The following DLG2 variants were observed in gnomAD, a reference collection of about 807,000 sequenced individuals.
DLG2 encodes the protein disks large homolog 2.
A neutral mutation model predicts 132.5 loss-of-function variants in DLG2; 45 were observed. The observed-to-expected ratio is 0.34, with a 90% CI of 0.27 to 0.44. The LOEUF is 0.44. Ranked by LOEUF, DLG2 falls within the 20% of genes least tolerant of loss-of-function variation. The probability of loss-of-function intolerance (pLI) is 1.00; values close to 1 mark genes in which losing one functional copy is unlikely to be tolerated. For missense variants in DLG2, 1,045 were observed against 1,196.9 expected, an observed-to-expected ratio of 0.87 and a Z score of 1.87; for synonymous variants, 424 against 419.6, an observed-to-expected ratio of 1.01 and a Z score of -0.13.
chr11:85,501,867 G>T (rs2093812224), intron 3 of DLG2, among the ~76,000 whole-genome samples: 2 of 152,056 alleles, frequency 1.3e-5, no homozygotes, highest in Non-Finnish European at 2.9e-5. Context: ...TGGCAATTCT[G>T]TAAGGATCTA....
chr11:84,944,908 A>G (rs974410382), intron 6 of DLG2, among the ~76,000 whole-genome samples: 1 of 152,072 alleles, frequency 6.6e-6, no homozygotes, highest in African/African-American at 2.4e-5. Flanking sequence ...CGATCTTGTT[A>G]AGTTTATCTG....
chr11:83,556,119 A>G (rs2096511549), intron 19 of DLG2, among the ~76,000 whole-genome samples: 1 of 152,106 alleles, frequency 6.6e-6, no homozygotes, highest in Admixed American at 6.6e-5. Flanking sequence ...TGAGGAGAAG[A>G]CTTCTTTCTG....
In DLG2 at chr11:85,592,821, C is replaced by T. The variant is rs970994579; in HGVS notation, c.40+5836G>A. ...TTCAAAAATTAGCCAGGCATGACTG[C>T]GCATACCAGTAGTCCCAGGTACCAG... On this transcript the variant is annotated intron_variant, in intron 3 of 27. Coordinates refer to ENST00000376104, the MANE Select transcript of DLG2 (RefSeq NM_001142699.3). Among the ~76,000 whole-genome samples the T allele has an allele frequency of 4.0e-5, 6 of 151,846 alleles. No individual in the cohort carries two copies. In the East Asian group the frequency reaches 5.8e-4, roughly 15 times the overall value.
intron 6 of DLG2, among the ~76,000 whole-genome samples, chr11:84,902,776 T>C (rs2091047177): frequency 6.6e-6 from 1 of 152,126 alleles, no homozygotes; most frequent in Admixed American, 6.5e-5. Context: ...GTTATTTTCT[T>C]CTCCAGGTCT....
chr11:84,321,858 C>T (rs1224943065), intron 7 of DLG2, among the ~76,000 whole-genome samples: 2 of 152,162 alleles, frequency 1.3e-5, no homozygotes, highest in Admixed American at 1.3e-4. Flanking sequence ...TCATCACCTC[C>T]TCAAGAAAGC....
intron 6 of DLG2, among the ~76,000 whole-genome samples, chr11:84,557,018 G>T (rs1032319602): frequency 3.3e-5 from 5 of 152,180 alleles, no homozygotes; most frequent in African/African-American, 1.2e-4. Flanking sequence ...CTCCCCTGAG[G>T]TAATTGTGGA....
At chr11:83,535,995 T>C (rs1406761634) in intron 20 of DLG2, among the ~76,000 whole-genome samples, 1 of 152,128 alleles carries the variant, frequency 6.6e-6, no homozygotes, top group Non-Finnish European at 1.5e-5. Flanking sequence ...GCCACTCAGT[T>C]TGGGAAACAG....
At chr11:85,091,461 A>G (rs1054950747) in intron 6 of DLG2, among the ~76,000 whole-genome samples, 2 of 152,132 alleles carry the variant, frequency 1.3e-5, no homozygotes, top group Non-Finnish European at 2.9e-5. Flanking sequence ...TAAGACAACA[A>G]TGATGTTTGC....
chr11:85,443,461 C>A (rs2091877785), intron 3 of DLG2, among the ~76,000 whole-genome samples: 1 of 152,162 alleles, frequency 6.6e-6, no homozygotes, highest in African/African-American at 2.4e-5. Context: ...TTTAAGATCA[C>A]CTCCAACTTT....
chr11:84,732,099 T>C (rs980844071), intron 6 of DLG2, among the ~76,000 whole-genome samples: 2 of 152,112 alleles, frequency 1.3e-5, no homozygotes, highest in African/African-American at 4.8e-5. Context: ...ATCTAGATGG[T>C]TGCATGTGCC....
chr11:85,603,767 A>G (rs890262293), intron 2 of DLG2, among the ~76,000 whole-genome samples: 73 of 151,996 alleles, frequency 4.8e-4, no homozygotes, highest in African/African-American at 1.7e-3. Flanking sequence ...AAATTTTAAA[A>G]TTAGCCAGGT....
chr11:84,166,581 G>C (rs1056156550), intron 8 of DLG2, among the ~76,000 whole-genome samples: 1 of 151,600 alleles, frequency 6.6e-6, no homozygotes, highest in Non-Finnish European at 1.5e-5. Flanking sequence ...TGAAAATTTG[G>C]TGCCTTTTCA....
intron 10 of DLG2, among the ~76,000 whole-genome samples, chr11:84,089,458 G>C (rs1354770768): frequency 6.6e-6 from 1 of 151,872 alleles, no homozygotes; most frequent in Non-Finnish European, 1.5e-5. Context: ...TCATCACTGA[G>C]TTAGTGGATA....
chr11:83,483,392 T>C, intron 22 of DLG2: 1 of 919,416 alleles, frequency 1.1e-6, no homozygotes, highest in Non-Finnish European at 1.8e-6. Context: ...AATACTACCA[T>C]GACAGACCGT....
At chr11:85,023,438 C>A (rs565803177) in intron 6 of DLG2, among the ~76,000 whole-genome samples, 1 of 151,886 alleles carries the variant, frequency 6.6e-6, no homozygotes, top group Non-Finnish European at 1.5e-5. Flanking sequence ...GAAAGAAAAA[C>A]AAGTCATTTT....
At chr11:85,108,681 A>C (rs1027902916) in intron 6 of DLG2, among the ~76,000 whole-genome samples, 1 of 152,054 alleles carries the variant, frequency 6.6e-6, no homozygotes, top group Admixed American at 6.6e-5. Flanking sequence ...TCCCAGTGTT[A>C]GTGCTTTTTT....
intron 9 of DLG2, among the ~76,000 whole-genome samples, chr11:84,123,399 T>A (rs76867182): frequency 0.019 from 2,969 of 152,318 alleles, 76 homozygotes; most frequent in African/African-American, 0.066. Context: ...GCCAAGTCTA[T>A]GCTGTGCTTG....
intron 2 of DLG2, among the ~76,000 whole-genome samples, chr11:85,615,601 A>C (rs886809512): frequency 1.3e-5 from 2 of 152,232 alleles, no homozygotes; most frequent in Non-Finnish European, 2.9e-5. Flanking sequence ...AAAATAAATA[A>C]ATAAATAAAA....
rs1596207827 is a variant in DLG2 at position 85,319,329 on chromosome 11, A to G, written c.41-33964T>C. On this transcript the variant is annotated intron_variant, in intron 3 of 27. Transcript: ENST00000376104. ...AAACTCATCTAAAAGTGTAAATATT[A>G]AGGTTTAACAATAGTAATCTTGGAG... 5.3e-5 allele frequency among the ~76,000 whole-genome samples: 8 copies of G among 151,986 alleles called. No individual in the cohort carries two copies. In the South Asian group the frequency reaches 1.7e-3, roughly 32 times the overall value.
Sources: gnomAD v4.1 joint callset for allele counts (sites outside exome capture counted in the v4.1 genomes callset) on GRCh38, gnomAD v4.1.1 for gene constraint, MANE v1.5 for transcripts, NCBI Gene and HGNC (gene_info 2026-07-23, HGNC 2026-07-21) for gene names.